The following EVC variants were observed in gnomAD, a reference collection of about 807,000 sequenced individuals.
EVC encodes the protein EvC ciliary complex subunit 1, also known as evC complex member EVC.
Under a neutral mutation model 118.9 loss-of-function variants are expected in EVC, and 116 were observed. The ratio of observed to expected loss-of-function variants is 0.98; its 90% CI spans 0.84 to 1.14. EVC has a LOEUF of 1.14. Among genes scored for constraint, EVC ranks in the 50% most tolerant of loss-of-function variants. The pLI, the probability that EVC is intolerant of heterozygous loss-of-function variation, is 0.00. For synonymous variants in EVC, 619 were observed against 534.7 expected, an observed-to-expected ratio of 1.16 and a Z score of -2.18; for missense variants, 1,401 against 1,246.4, an observed-to-expected ratio of 1.12 and a Z score of -1.87.
intron 5 of EVC, among the ~76,000 whole-genome samples, chr4:5,740,810 T>C (rs1728443363): frequency 6.6e-6 from 1 of 152,076 alleles, no homozygotes; most frequent in Non-Finnish European, 1.5e-5. Flanking sequence ...AAAGGATATA[T>C]AGATGGTAAG....
the EVC span, among the ~76,000 whole-genome samples, chr4:5,820,297 C>T: frequency 2.0e-5 from 3 of 151,486 alleles, no homozygotes; most frequent in Admixed American, 2.0e-4. Flanking sequence ...ACCATCATCA[C>T]CATCACCACC....
Position 5,813,241 on chromosome 4 carries a change from GC to G in EVC, c.*2207del, listed in dbSNP as rs1717194327. ...CCTGCTTTGCATAGAAATCACTTTT[GC>G]CCAGGCTGGAGTGCAGTGGCGTGAT... is the stretch of plus-strand genomic sequence containing the variant. On this transcript the variant is annotated 3_prime_UTR_variant, in exon 21 of 21. Coordinates refer to ENST00000264956, the MANE Select transcript of EVC (RefSeq NM_153717.3). 1 of 152,170 alleles carries G rather than the reference GC, an allele frequency of 6.6e-6. No individual in the cohort carries two copies. The highest frequency in any genetic ancestry group is 6.5e-5 in the Admixed American group (1 of 15,286). 9.4% of individuals were successfully genotyped at this position (152,170 alleles called of 1,614,324 possible).
At chr4:5,767,104 A>T (rs956935298) in intron 11 of EVC, among the ~76,000 whole-genome samples, 1 of 150,750 alleles carries the variant, frequency 6.6e-6, no homozygotes, top group Non-Finnish European at 1.5e-5. Flanking sequence ...TCTGTTTGTT[A>T]GTTTTCCTTC....
intron 1 of EVC, among the ~76,000 whole-genome samples, chr4:5,713,099 G>A (rs1383680534): frequency 6.6e-6 from 1 of 152,200 alleles, no homozygotes; most frequent in Admixed American, 6.5e-5. Flanking sequence ...TGCTAGCTGA[G>A]TCAGCTGAGG....
the EVC span, among the ~76,000 whole-genome samples, chr4:5,828,899 A>G: frequency 5.3e-5 from 8 of 151,858 alleles, no homozygotes; most frequent in South Asian, 1.2e-3. Context: ...AATCAAATCA[A>G]TATTGTTCTG....
intron 16 of EVC, among the ~76,000 whole-genome samples, 170 bp downstream of exon 16, chr4:5,802,264 G>A (rs1454949132): frequency 1.3e-5 from 2 of 152,094 alleles, no homozygotes; most frequent in Non-Finnish European, 2.9e-5. Flanking sequence ...TTTTCAAAAG[G>A]CACTTAAAGA....
chr4:5,823,958 C>G, the EVC span, among the ~76,000 whole-genome samples: 1 of 152,148 alleles, frequency 6.6e-6, no homozygotes, highest in Non-Finnish European at 1.5e-5. Flanking sequence ...GTTGTTGGTA[C>G]CAAATGAAGT....
intron 11 of EVC, among the ~76,000 whole-genome samples, chr4:5,763,392 C>T (rs1332215050): frequency 1.4e-5 from 2 of 147,826 alleles, no homozygotes; most frequent in African/African-American, 2.5e-5. Flanking sequence ...GGGCTCTTTT[C>T]TGGTTCCATA....
rs1187336928 is a variant in EVC at position 5,783,638 on chromosome 4, C to A, written c.1650C>A (p.Pro550=). 5 of 1,614,178 alleles carry A rather than the reference C, an allele frequency of 3.1e-6. No homozygotes were observed. In the South Asian group the frequency reaches 4.4e-5, roughly 14 times the overall value. The part of the protein sequence containing the change: ...LQTLPGMTGL[P]PEECDYLRQE... ...CGCTCCCTGGCATGACTGGCCTCCC[C>A]CCGGAAGAGTGTGACTACTTGAGGC... Residue 550 remains proline, a synonymous_variant, in exon 12 of 21, where the codon CCC becomes CCA. Transcript: ENST00000264956.
rs746250083 is a variant in EVC at position 5,752,855 on chromosome 4, T to C, written c.1118T>C (p.Met373Thr). ...LQALDALERTMGRAHMAKVIE... is the reference protein window; with the variant it reads ...LQALDALERTTGRAHMAKVIE... ...TTGCAGGACGCCCTGGAGAGGACGA[T>C]GGGGCGGGCGCACATGGCAAAAGTG... Residue 373 changes from methionine to threonine, a missense_variant, in exon 9 of 21, where the codon ATG becomes ACG. Physicochemically the swap from Met to Thr is moderately conservative, Grantham distance 81. Transcript: ENST00000264956. 9.9e-6 allele frequency: 16 copies of C among 1,614,080 alleles called. No individual in the cohort carries two copies. The highest frequency in any genetic ancestry group is 5.0e-5 in the Admixed American group (3 of 60,010).
At chr4:5,787,838 C>CA (rs1711990838) in intron 12 of EVC, among the ~76,000 whole-genome samples, 1 of 152,136 alleles carries the variant, frequency 6.6e-6, no homozygotes. Context: ...CTCTGCACCC[C>CA]ACTCCGGGTG....
At position 5,745,260 on chromosome 4, in the gene EVC, G is replaced by A. The variant is rs752988350; in HGVS notation, c.858G>A (p.Ser286=). 2.2e-5 allele frequency: 35 copies of A among 1,613,836 alleles called. No homozygotes were observed. In the East Asian group the frequency reaches 3.6e-4, roughly 16 times the overall value. The change falls in exon 7 of 21, where the codon TCG becomes TCA. Residue 286 remains serine (S), a synonymous_variant. Transcript: ENST00000264956. ...LQVKLSNTEM[S]GAGDSEYITL... Reference sequence around the variant, plus strand: ...TCAAACTGTCAAACACAGAAATGTCGGGGGCTGGTGACTCTGAGTACATCA... The same window carrying A: ...TCAAACTGTCAAACACAGAAATGTCAGGGGCTGGTGACTCTGAGTACATCA...
At chr4:5,761,970 T>C (rs1322134184) in intron 11 of EVC, among the ~76,000 whole-genome samples, 1 of 151,408 alleles carries the variant, frequency 6.6e-6, no homozygotes, top group Non-Finnish European at 1.5e-5. Context: ...GTTACATATG[T>C]ATACCTGTGC....
intron 6 of EVC, 132 bp from the exon 7 acceptor site, chr4:5,745,072 C>G (rs1272524294): frequency 1.2e-6 from 1 of 858,940 alleles, no homozygotes; most frequent in Non-Finnish European, 1.8e-6. Flanking sequence ...ACAACAACCC[C>G]CAGAGCATTT....
chr4:5,807,668 G>A (rs76164907), intron 17 of EVC, among the ~76,000 whole-genome samples: 9,257 of 152,064 alleles, frequency 0.061, 775 homozygotes, highest in African/African-American at 0.19. Flanking sequence ...GCTGCCTGCC[G>A]TATTCGGGAT....
Position 5,811,989 on chromosome 4 carries a change from G to T in EVC, c.*952G>T. ...AGCCTCTCACACACCACAGCCAGGA[G>T]AGGCCTTTCCCACCTGGACAGAAAC... On this transcript the variant is annotated 3_prime_UTR_variant, in exon 21 of 21. Transcript: ENST00000264956. 6.2e-6 allele frequency: 1 copy of T among 160,200 alleles called. No individual in the cohort carries two copies. The highest frequency in any genetic ancestry group is 1.3e-5 in the Non-Finnish European group (1 of 74,968). The allele number at this position is 160,200 out of a possible 1,614,324, so 9.9% of individuals were successfully genotyped here. A position where few individuals can be genotyped will look rare whatever the true frequency, so the allele number is the denominator to read the frequency against.
rs886059514 is a variant in EVC, at chr4:5,812,605, C to T, written c.*1568C>T. On this transcript the variant is annotated 3_prime_UTR_variant, in exon 21 of 21. Transcript: ENST00000264956. Reference sequence around the variant, plus strand: ...CCTGGAGAGAAACTTCCAGACCAGCCCCTCTCACCACAGCCAGGAGAGGCC... The same window carrying T: ...CCTGGAGAGAAACTTCCAGACCAGCTCCTCTCACCACAGCCAGGAGAGGCC... 18 of 176,548 alleles carry T rather than the reference C, an allele frequency of 1.0e-4. No homozygotes were observed. The highest frequency in any genetic ancestry group is 1.9e-4 in the Non-Finnish European group (16 of 85,014). 10.9% of individuals were successfully genotyped at this position (176,548 alleles called of 1,614,324 possible). A position where few individuals can be genotyped will look rare whatever the true frequency, so the allele number is the denominator to read the frequency against.
chr4:5,728,377 C>G (rs1329944776), intron 2 of EVC, among the ~76,000 whole-genome samples: 1 of 151,270 alleles, frequency 6.6e-6, no homozygotes, highest in Non-Finnish European at 1.5e-5. Flanking sequence ...CTCTGTTTGT[C>G]TGTTGTTGGT....
At position 5,719,831 on chromosome 4, in the gene EVC, G is replaced by A. The variant is rs1330785363; in HGVS notation, c.300+458G>A. ...CACCCATTTTTATTGCTCAGTGGCAGTCAACTGTGTGGATGTGCCACACTT... is the reference window on the plus strand; with the variant it reads ...CACCCATTTTTATTGCTCAGTGGCAATCAACTGTGTGGATGTGCCACACTT... On this transcript the variant is annotated intron_variant, in intron 2 of 20. Transcript: ENST00000264956. This position sits in a 1 kb window ranked among gnomAD's most constrained non-coding sequence, Gnocchi z 4.7. Among the ~76,000 whole-genome samples, 1 of 152,214 alleles carries A rather than the reference G, an allele frequency of 6.6e-6. No individual in the cohort carries two copies. Among genetic ancestry groups the A allele is most frequent in the Admixed American group, 6.5e-5 (1 of 15,276 alleles).
Sources: allele counts gnomAD v4.1 joint callset (sites outside exome capture counted in the v4.1 genomes callset), GRCh38; gene constraint gnomAD v4.1.1; non-coding constraint Gnocchi (gnomAD v3.1); transcripts MANE v1.5; gene names NCBI Gene and HGNC (gene_info 2026-07-23, HGNC 2026-07-21).